The following PPIL2 variants were observed in gnomAD, a reference collection of about 807,000 sequenced individuals.
The protein encoded by PPIL2 is RING-type E3 ubiquitin-protein ligase PPIL2.
Under a neutral mutation model 75.2 loss-of-function variants are expected in PPIL2, and 50 were observed. The observed-to-expected ratio is 0.66, with a 90% CI of 0.53 to 0.84. The LOEUF (loss-of-function observed/expected upper bound fraction) is 0.84, where lower values mean the gene tolerates loss of function less well. Among genes scored for constraint, PPIL2 ranks in the 40% least tolerant of loss-of-function variants. PPIL2 has a pLI of 0.00. For synonymous variants in PPIL2, 245 were observed against 258.8 expected (o/e 0.95, Z 0.51); for missense variants, 590 against 685.0 (o/e 0.86, Z 1.55).
At chr22:21,681,836 C>G (rs1001702908) in intron 7 of PPIL2, among the ~76,000 whole-genome samples, 1 of 152,144 alleles carries the variant, frequency 6.6e-6, no homozygotes, top group African/African-American at 2.4e-5. Flanking sequence ...GGGAGACAGC[C>G]GTGTTCACAC....
chr22:21,699,820 A>C (rs1249173560), downstream of PPIL2: 1 of 152,692 alleles, frequency 6.5e-6, no homozygotes, highest in Non-Finnish European at 1.5e-5. Flanking sequence ...GACATGGACC[A>C]GCCACTCAGC....
At position 21,696,377 on chromosome 22, in the gene PPIL2, TC is replaced by T. The variant is rs1324988413; in HGVS notation, c.*891del. ...CTGTGAGAACAAGTGGATGTCCCTCTCCCCGCCCTCCTGCTGAAGTGGCCTT... is the reference window on the plus strand; with the variant it reads ...CTGTGAGAACAAGTGGATGTCCCTCTCCCGCCCTCCTGCTGAAGTGGCCTT... On this transcript the variant is annotated 3_prime_UTR_variant, in exon 20 of 20. Coordinates refer to ENST00000398831, the MANE Select transcript of PPIL2 (RefSeq NM_014337.4). The T allele has an allele frequency of 2.6e-6, 3 of 1,151,016 alleles. No homozygotes were observed. The African/African-American group carries it at 4.9e-5, about 19-fold the overall frequency. 71.3% of individuals were successfully genotyped at this position (1,151,016 alleles called of 1,614,324 possible).
In PPIL2 at chr22:21,683,179, C is replaced by G; in HGVS notation, c.478-3C>G. Reference sequence around the variant, plus strand: ...TCTGCTGGGCATTCTCTTTTTGCCACAGGACCCCACCAATTTGGACAAGTT... The same window carrying G: ...TCTGCTGGGCATTCTCTTTTTGCCAGAGGACCCCACCAATTTGGACAAGTT... On this transcript the variant is annotated splice_region_variant and splice_polypyrimidine_tract_variant and intron_variant, in intron 8 of 19. Coordinates refer to ENST00000398831, the MANE Select transcript of PPIL2 (RefSeq NM_014337.4). 6.2e-7 allele frequency: 1 copy of G among 1,612,378 alleles called. No homozygotes were observed. The highest frequency in any genetic ancestry group is 8.5e-7 in the Non-Finnish European group (1 of 1,178,366).
chr22:21,693,694 T>A, intron 15 of PPIL2, 122 bp from the exon 16 acceptor site: 2 of 991,758 alleles, frequency 2.0e-6, no homozygotes, highest in South Asian at 2.7e-5. Flanking sequence ...CACACATGCG[T>A]CCGTGGAAGC....
intron 15 of PPIL2, among the ~76,000 whole-genome samples, chr22:21,689,746 G>A (rs887484714): frequency 2.6e-5 from 4 of 152,332 alleles, no homozygotes; most frequent in Non-Finnish European, 5.9e-5. Flanking sequence ...CACAGAAATC[G>A]CTGTTTTGCC....
At chr22:21,679,191 C>T (rs2067002733) in intron 6 of PPIL2, among the ~76,000 whole-genome samples, 1 of 151,926 alleles carries the variant, frequency 6.6e-6, no homozygotes, top group Admixed American at 6.6e-5. Context: ...CCACCGCGCC[C>T]AGCCCCAGCT....
intron 5 of PPIL2, among the ~76,000 whole-genome samples, chr22:21,673,847 C>T (rs1044367195): frequency 2.0e-5 from 3 of 152,120 alleles, no homozygotes; most frequent in African/African-American, 7.2e-5. Context: ...TCAGGAGGAG[C>T]CTGTTGTGTT....
intron 11 of PPIL2, 74 bp downstream of exon 11, chr22:21,686,632 CCCA>C: frequency 4.1e-6 from 6 of 1,451,846 alleles, no homozygotes. Flanking sequence ...CTCCCCGACT[CCCA>C]CTTTATTGGT....
chr22:21,696,742 G>C lies in PPIL2; in HGVS notation c.*1252G>C. 9.7e-6 allele frequency: 15 copies of C among 1,539,956 alleles called. No individual in the cohort carries two copies. The highest frequency in any genetic ancestry group is 1.3e-5 in the Non-Finnish European group (15 of 1,146,710). On this transcript the variant is annotated 3_prime_UTR_variant, in exon 20 of 20. Transcript: ENST00000398831. ...TTTTGTTGCCCCAAATCTTGAACCT[G>C]TCAGCAACTTGCAGGCTGTACCTCT...
Position 21,694,926 on chromosome 22 carries a change from T to C in PPIL2, c.1333-11T>C, listed in dbSNP as rs1365670833. ...GTGCTGCCGGTTAGCCAGCGCCCTG[T>C]TGTGCCACAGATTGCGCAGGAGCGG... On this transcript the variant is annotated splice_polypyrimidine_tract_variant and intron_variant, in intron 18 of 19. Coordinates refer to ENST00000398831, the MANE Select transcript of PPIL2 (RefSeq NM_014337.4). 5 of 1,612,462 alleles carry C rather than the reference T, an allele frequency of 3.1e-6. No individual in the cohort carries two copies. The highest frequency in any genetic ancestry group is 3.3e-5 in the Admixed American group (2 of 59,772).
chr22:21,684,195 A>G (rs544565653), intron 9 of PPIL2, among the ~76,000 whole-genome samples: 29 of 151,788 alleles, frequency 1.9e-4, no homozygotes, highest in African/African-American at 7.0e-4. Flanking sequence ...CGACAGAGCT[A>G]GACCCTGTCT....
At chr22:21,677,558 G>A (rs1056617997) in intron 6 of PPIL2, among the ~76,000 whole-genome samples, 11 of 152,218 alleles carry the variant, frequency 7.2e-5, no homozygotes, top group African/African-American at 1.7e-4. Context: ...CCAGTCAGGC[G>A]TGGCGGCGCG....
rs1158443482 is a variant in PPIL2, at chr22:21,696,580, A to G, written c.*1090A>G. On this transcript the variant is annotated 3_prime_UTR_variant, in exon 20 of 20. Coordinates refer to ENST00000398831, the MANE Select transcript of PPIL2 (RefSeq NM_014337.4). ...TTTTTCTTCGTCTTCAGCCCAGGCC[A>G]GTGGTCAGTGTTCTCATGTCATGGA... 2.1e-6 allele frequency: 3 copies of G among 1,431,736 alleles called. No individual in the cohort carries two copies. The highest frequency in any genetic ancestry group is 2.9e-5 in the African/African-American group (2 of 70,044). 88.7% of individuals were successfully genotyped at this position (1,431,736 alleles called of 1,614,324 possible). A position where few individuals can be genotyped will look rare whatever the true frequency, so the allele number is the denominator to read the frequency against.
Position 21,681,392 on chromosome 22 carries a change from T to C in PPIL2, c.387+2T>C. The stretch of plus-strand genomic sequence containing the variant: ...ACCGGCAACGTCTACGCCTATGAGG[T>C]GTGTCCTCGCTCCGGGGCGTGGAGA... On this transcript the variant is annotated splice_donor_variant, in intron 7 of 19. Transcript: ENST00000398831. LOFTEE classifies it high-confidence loss of function. The C allele has an allele frequency of 6.2e-7, 1 of 1,610,190 alleles. No individual in the cohort carries two copies. The highest frequency in any genetic ancestry group is 8.5e-7 in the Non-Finnish European group (1 of 1,176,428).
intron 16 of PPIL2, 97 bp downstream of exon 16, chr22:21,693,969 G>A (rs954089201): frequency 9.2e-6 from 12 of 1,297,888 alleles, no homozygotes; most frequent in African/African-American, 1.5e-5. Context: ...GTGGACCTGA[G>A]TCATGTGCCA....
At chr22:21,688,346 T>A (rs563294145) in intron 14 of PPIL2, among the ~76,000 whole-genome samples, 1 of 152,216 alleles carries the variant, frequency 6.6e-6, no homozygotes, top group African/African-American at 2.4e-5. Flanking sequence ...CCTGGGCCCC[T>A]GGGGTCTGCC....
chr22:21,671,128 T>A, intron 4 of PPIL2, 69 bp downstream of exon 4: 1 of 1,422,234 alleles, frequency 7.0e-7, no homozygotes, highest in Non-Finnish European at 9.9e-7. Context: ...AAGGGGACCC[T>A]TGGTACCCTT....
In PPIL2 at chr22:21,687,685, CATT is replaced by C. The variant is rs1227550970; in HGVS notation, c.945_947del (p.Tyr316del). 2 of 1,611,798 alleles carry C rather than the reference CATT, an allele frequency of 1.2e-6. No homozygotes were observed. Among genetic ancestry groups the C allele is most frequent in the Non-Finnish European group, 1.7e-6 (2 of 1,178,686 alleles). ...AAACTTCATCAGGCTTTGCAAGAAG[CATT>C]ATTACGATGGCACCATCTTCCACAG... is the stretch of plus-strand genomic sequence containing the variant. On this transcript the variant is annotated inframe_deletion, in exon 13 of 20. Coordinates refer to ENST00000398831, the MANE Select transcript of PPIL2 (RefSeq NM_014337.4).
At chr22:21,681,770 C>G (rs2067140414) in intron 7 of PPIL2, among the ~76,000 whole-genome samples, 1 of 152,232 alleles carries the variant, frequency 6.6e-6, no homozygotes, top group Non-Finnish European at 1.5e-5. Context: ...GTCACTTGCC[C>G]CCAGGAGGGA....
Sources: gnomAD v4.1 joint callset for allele counts (sites outside exome capture counted in the v4.1 genomes callset) on GRCh38, gnomAD v4.1.1 for gene constraint, MANE v1.5 for transcripts, NCBI Gene and HGNC (gene_info 2026-07-23, HGNC 2026-07-21) for gene names.